The following USP6NL variants were observed in gnomAD, a reference collection of about 807,000 sequenced individuals.
USP6NL encodes USP6 N-terminal-like protein.
Under a neutral mutation model 61.9 loss-of-function variants are expected in USP6NL, and 26 were observed. The ratio of observed to expected loss-of-function variants is 0.42; its 90% CI spans 0.31 to 0.58. USP6NL has a LOEUF of 0.58. Ranked by LOEUF, USP6NL falls within the 20% of genes least tolerant of loss-of-function variation. USP6NL has a pLI of 0.16. For synonymous variants in USP6NL, 432 were observed against 390.1 expected, an observed-to-expected ratio of 1.11 and a Z score of -1.27; for missense variants, 1,114 against 1,034.3, an observed-to-expected ratio of 1.08 and a Z score of -1.06.
chr10:11,512,344 T>A (rs1834756420), intron 5 of USP6NL, among the ~76,000 whole-genome samples: 1 of 152,014 alleles, frequency 6.6e-6, no homozygotes, highest in African/African-American at 2.4e-5. Flanking sequence ...CAAACCACAC[T>A]CTGCTGGGTC....
Position 11,527,826 on chromosome 10 carries a change from G to A in USP6NL, c.5-259C>T, listed in dbSNP as rs183858757. Among the ~76,000 whole-genome samples the A allele has an allele frequency of 3.9e-3, 592 of 152,080 alleles. 2 individuals are homozygous for A. Among genetic ancestry groups the A allele is most frequent in the Non-Finnish European group, 5.4e-3 (370 of 67,998 alleles). The stretch of plus-strand genomic sequence containing the variant: ...ATCTTATCCTTCATGAATCAATTTC[G>A]GATCTAAAATTTCACAGAAATTGAT... On this transcript the variant is annotated intron_variant, in intron 2 of 14. Coordinates refer to ENST00000609104, the MANE Select transcript of USP6NL (RefSeq NM_014688.5).
At chr10:11,471,969 A>G (rs1238850226) in intron 14 of USP6NL, among the ~76,000 whole-genome samples, 2 of 151,812 alleles carry the variant, frequency 1.3e-5, no homozygotes, top group East Asian at 3.9e-4. Flanking sequence ...AAAACTTAAA[A>G]AAAAAAAAAA....
rs551455039 is a variant in USP6NL, at chr10:11,482,224, C to G, written c.926-302G>C. Among the ~76,000 whole-genome samples, 92 of 152,322 alleles carry G rather than the reference C, an allele frequency of 6.0e-4. No homozygotes were observed. The highest frequency in any genetic ancestry group is 2.0e-3 in the African/African-American group (85 of 41,574). On this transcript the variant is annotated intron_variant, in intron 13 of 14. Coordinates refer to ENST00000609104, the MANE Select transcript of USP6NL (RefSeq NM_014688.5). This position sits in a 1 kb window ranked among gnomAD's most constrained non-coding sequence, Gnocchi z 4.0. ...CATTAGTATTACCCCAGAGCAAGAG[C>G]TTCTTAGAGACAGACACAGAAAGAC...
chr10:11,539,979 C>A (rs1835983424), intron 2 of USP6NL, among the ~76,000 whole-genome samples: 1 of 152,202 alleles, frequency 6.6e-6, no homozygotes, highest in Admixed American at 6.5e-5. Flanking sequence ...GACTTAAAAG[C>A]CAGGCTGTCC....
intron 14 of USP6NL, among the ~76,000 whole-genome samples, chr10:11,471,954 AC>A (rs1832770625): frequency 6.8e-6 from 1 of 147,820 alleles, no homozygotes; most frequent in South Asian, 2.2e-4. Context: ...GTGCACATGT[AC>A]CCTAAAACTT....
intron 2 of USP6NL, among the ~76,000 whole-genome samples, chr10:11,554,830 T>C (rs1372556549): frequency 1.3e-5 from 2 of 149,926 alleles, no homozygotes; most frequent in African/African-American, 4.9e-5. Context: ...GGCAGAGTCT[T>C]GCTCTGTCAC....
chr10:11,584,965 C>T (rs1365944502), intron 2 of USP6NL, among the ~76,000 whole-genome samples: 1 of 151,934 alleles, frequency 6.6e-6, no homozygotes, highest in South Asian at 2.1e-4. Flanking sequence ...AAACAAAAAA[C>T]CATATGAAAC....
chr10:11,479,628 C>T (rs1355538226), intron 14 of USP6NL, among the ~76,000 whole-genome samples: 5 of 144,920 alleles, frequency 3.5e-5, no homozygotes, highest in East Asian at 2.0e-4. Context: ...CAGGTTGGAG[C>T]GCAGTGACGC....
At position 11,602,337 on chromosome 10, in the gene USP6NL, A is replaced by G. The variant is rs770381507; in HGVS notation, c.-83-4620T>C. On this transcript the variant is annotated intron_variant, in intron 1 of 14. Coordinates refer to ENST00000609104, the MANE Select transcript of USP6NL (RefSeq NM_014688.5). The surrounding 1 kb of genome is among the most constrained non-coding windows in gnomAD (Gnocchi z 4.8). Reference sequence around the variant, plus strand: ...AATGTTCTGTTTTTAAATTTAAAACAGGCAGATAATAACATAGATAACAGG... The same window carrying G: ...AATGTTCTGTTTTTAAATTTAAAACGGGCAGATAATAACATAGATAACAGG... 2.0e-5 allele frequency among the ~76,000 whole-genome samples: 3 copies of G among 152,218 alleles called. No homozygotes were observed. The highest frequency in any genetic ancestry group is 4.4e-5 in the Non-Finnish European group (3 of 68,034).
rs1212308578 is a variant in USP6NL, at chr10:11,509,520, AAAG to A, written c.276+72_276+74del. 4 of 1,344,836 alleles carry A rather than the reference AAAG, an allele frequency of 3.0e-6. No individual in the cohort carries two copies. In the Admixed American group the frequency reaches 8.0e-5, roughly 27 times the overall value. 83.3% of individuals were successfully genotyped at this position (1,344,836 alleles called of 1,614,324 possible). A position where few individuals can be genotyped will look rare whatever the true frequency, so the allele number is the denominator to read the frequency against. On this transcript the variant is annotated intron_variant, in intron 6 of 14. Transcript: ENST00000609104. ...ATATGAATGTAACACTCTTATAATT[AAAG>A]AAGAACTTCTACTATGAAAATCCAC...
rs1240610267 is a variant in USP6NL at position 11,487,850 on chromosome 10, G to A, written c.664+1252C>T. Among the ~76,000 whole-genome samples the A allele has an allele frequency of 6.6e-6, 1 of 152,156 alleles. No homozygotes were observed. Among genetic ancestry groups the A allele is most frequent in the Non-Finnish European group, 1.5e-5 (1 of 68,030 alleles). On this transcript the variant is annotated intron_variant, in intron 10 of 14. Coordinates refer to ENST00000609104, the MANE Select transcript of USP6NL (RefSeq NM_014688.5). This position sits in a 1 kb window ranked among gnomAD's most constrained non-coding sequence, Gnocchi z 4.2. ...CACAATATCCTCACATGGTCAGAGT[G>A]TGAGACTTCACAAACAATGGGCTAT... is the stretch of plus-strand genomic sequence containing the variant.
rs1276170899 is a variant in USP6NL at position 11,481,268 on chromosome 10, C to T, written c.1078+502G>A. ...GTAGCATACTACAAAGAGCCCTGGG[C>T]TAGTAGTCAGAAAAACTGGCCTGCA... On this transcript the variant is annotated intron_variant, in intron 14 of 14. Transcript: ENST00000609104. This position sits in a 1 kb window ranked among gnomAD's most constrained non-coding sequence, Gnocchi z 4.4. Among the ~76,000 whole-genome samples, 1 of 152,050 alleles carries T rather than the reference C, an allele frequency of 6.6e-6. No individual in the cohort carries two copies. The highest frequency in any genetic ancestry group is 1.5e-5 in the Non-Finnish European group (1 of 68,014).
At chr10:11,555,701 C>A (rs781406075) in intron 2 of USP6NL, among the ~76,000 whole-genome samples, 2 of 151,640 alleles carry the variant, frequency 1.3e-5, no homozygotes, top group Non-Finnish European at 2.9e-5. Context: ...AAAAACATAC[C>A]TGGACACATC....
At chr10:11,538,050 T>C (rs967308606) in intron 2 of USP6NL, among the ~76,000 whole-genome samples, 3 of 152,234 alleles carry the variant, frequency 2.0e-5, no homozygotes, top group Non-Finnish European at 4.4e-5. Flanking sequence ...TTGCGTCAGG[T>C]AGATATTTAA....
chr10:11,516,193 T>C (rs1279805202), intron 5 of USP6NL, among the ~76,000 whole-genome samples: 1 of 152,154 alleles, frequency 6.6e-6, no homozygotes, highest in East Asian at 1.9e-4. Flanking sequence ...GGAAGGACTG[T>C]ATACCACTCT....
chr10:11,588,068 A>T lies in USP6NL; in HGVS notation c.4+9563T>A, dbSNP rs556618716. Among the ~76,000 whole-genome samples, 37 of 152,376 alleles carry T rather than the reference A, an allele frequency of 2.4e-4. No homozygotes were observed. In the South Asian group the frequency reaches 7.5e-3, roughly 31 times the overall value. ...CCTAACCAGTCACACCTGTTAGGTC[A>T]GATCCCATTACAGGAACCCTCCATC... On this transcript the variant is annotated intron_variant, in intron 2 of 14. Coordinates refer to ENST00000609104, the MANE Select transcript of USP6NL (RefSeq NM_014688.5).
At chr10:11,471,680 CATGG>C (rs1345211553) in intron 14 of USP6NL, among the ~76,000 whole-genome samples, 1 of 152,074 alleles carries the variant, frequency 6.6e-6, no homozygotes, top group East Asian at 1.9e-4. Flanking sequence ...TTTGTAGGGA[CATGG>C]ATGAAGCTGG....
In USP6NL at chr10:11,482,113, C is replaced by A. The variant is rs1002348529; in HGVS notation, c.926-191G>T. Among the ~76,000 whole-genome samples the A allele has an allele frequency of 1.3e-5, 2 of 152,176 alleles. No individual in the cohort carries two copies. The highest frequency in any genetic ancestry group is 4.8e-5 in the African/African-American group (2 of 41,434). Reference sequence around the variant, plus strand: ...ATATTGCCTGATATTAAAGCAGCCACAGAGAAAAGCAGGAAAGTTTACTGG... The same window carrying A: ...ATATTGCCTGATATTAAAGCAGCCAAAGAGAAAAGCAGGAAAGTTTACTGG... On this transcript the variant is annotated intron_variant, in intron 13 of 14. Coordinates refer to ENST00000609104, the MANE Select transcript of USP6NL (RefSeq NM_014688.5). This position sits in a 1 kb window ranked among gnomAD's most constrained non-coding sequence, Gnocchi z 4.0.
In USP6NL at chr10:11,463,550, T is replaced by C. The variant is rs1287764320; in HGVS notation, c.1378A>G (p.Ser460Gly). The stretch of plus-strand genomic sequence containing the variant: ...GCTGCGTGATTATATTGCCTGGAAC[T>C]GTCCTGTGGACCCGATGGGAGTTTT... ...QRKLPSGPQD[S>G]SRQYNHAAAN... The change falls in exon 15 of 15, where the codon AGT becomes GGT. Residue 460 changes from serine (S) to glycine (G), a missense_variant. Coordinates refer to ENST00000609104, the MANE Select transcript of USP6NL (RefSeq NM_014688.5). The surrounding 1 kb of genome is among the most constrained non-coding windows in gnomAD (Gnocchi z 6.3). 12 of 1,613,954 alleles carry C rather than the reference T, an allele frequency of 7.4e-6. No individual in the cohort carries two copies. The East Asian group carries it at 2.7e-4, about 36-fold the overall frequency.
Sources: allele counts gnomAD v4.1 joint callset (sites outside exome capture counted in the v4.1 genomes callset), GRCh38; gene constraint gnomAD v4.1.1; non-coding constraint Gnocchi (gnomAD v3.1); transcripts MANE v1.5; gene names NCBI Gene and HGNC (gene_info 2026-07-23, HGNC 2026-07-21).